The following HLCS variants were observed in gnomAD, a reference collection of about 807,000 sequenced individuals.
HLCS encodes holocarboxylase synthetase.
In HLCS, 53 loss-of-function variants were observed where a neutral mutation model predicts 75.0. The ratio of observed to expected loss-of-function variants is 0.71; its 90% CI spans 0.57 to 0.89. The LOEUF is 0.89. Ranked by LOEUF, HLCS falls within the 40% of genes least tolerant of loss-of-function variation. The probability of loss-of-function intolerance (pLI) is 0.00; values close to 1 mark genes in which losing one functional copy is unlikely to be tolerated. For missense variants in HLCS, 966 were observed against 1,074.0 expected, an observed-to-expected ratio of 0.90 and a Z score of 1.41; for synonymous variants, 431 against 428.6, an observed-to-expected ratio of 1.01 and a Z score of -0.07.
chr21:36,843,392 C>T (rs140177340), intron 6 of HLCS, among the ~76,000 whole-genome samples: 16 of 152,302 alleles, frequency 1.1e-4, no homozygotes, highest in Non-Finnish European at 1.9e-4. Context: ...GAGCCATGAT[C>T]GTGCCACAGC....
chr21:36,924,051 C>A (rs572145691), intron 5 of HLCS, among the ~76,000 whole-genome samples: 1 of 152,314 alleles, frequency 6.6e-6, no homozygotes, highest in African/African-American at 2.4e-5. Flanking sequence ...ATTCAAGGTG[C>A]ACCTGGAATT....
At chr21:36,806,941 TCC>T (rs2061378657) in intron 6 of HLCS, among the ~76,000 whole-genome samples, 1 of 152,158 alleles carries the variant, frequency 6.6e-6, no homozygotes, top group Admixed American at 6.5e-5. Flanking sequence ...CTCCACTTTG[TCC>T]CTTCCCAACC....
chr21:36,776,397 T>C (rs1161998585), intron 6 of HLCS, among the ~76,000 whole-genome samples: 3 of 143,158 alleles, frequency 2.1e-5, no homozygotes, highest in Non-Finnish European at 3.0e-5. Context: ...TCAACAGCCT[T>C]GTTACAACAC....
chr21:36,952,720 G>T (rs947487085), intron 2 of HLCS, among the ~76,000 whole-genome samples: 2 of 149,730 alleles, frequency 1.3e-5, no homozygotes, highest in South Asian at 4.2e-4. Flanking sequence ...GAACCAGGAA[G>T]TCGGAGGTTG....
chr21:36,910,938 G>C (rs1171536872), intron 5 of HLCS, among the ~76,000 whole-genome samples: 1 of 152,142 alleles, frequency 6.6e-6, no homozygotes, highest in African/African-American at 2.4e-5. Context: ...GGCTCTGAAG[G>C]GCTTCCACCT....
intron 4 of HLCS, among the ~76,000 whole-genome samples, chr21:36,931,021 C>T (rs545377033): frequency 4.2e-4 from 64 of 152,174 alleles, no homozygotes; most frequent in African/African-American, 5.3e-4. Context: ...CGGTGGCTCA[C>T]GCCTGTAATC....
At chr21:36,783,404 T>G (rs1295383556) in intron 6 of HLCS, among the ~76,000 whole-genome samples, 1 of 152,188 alleles carries the variant, frequency 6.6e-6, no homozygotes, top group African/African-American at 2.4e-5. Flanking sequence ...TTTAAAAAAT[T>G]TCCAGAGCTA....
chr21:36,904,585 A>G (rs192390077), intron 5 of HLCS, among the ~76,000 whole-genome samples: 2 of 152,332 alleles, frequency 1.3e-5, no homozygotes, highest in Admixed American at 1.3e-4. Flanking sequence ...TATTCACTAT[A>G]GTCAAATACA....
chr21:36,769,604 C>T (rs980013281), intron 6 of HLCS, among the ~76,000 whole-genome samples: 4 of 152,184 alleles, frequency 2.6e-5, no homozygotes, highest in Admixed American at 6.5e-5. Context: ...GAGTGGCAGC[C>T]GAGTGCATTC....
chr21:36,896,838 T>A, intron 6 of HLCS, 22 bp downstream of exon 6: 1 of 1,613,648 alleles, frequency 6.2e-7, no homozygotes, highest in Non-Finnish European at 8.5e-7. Context: ...TCTGAGCAGA[T>A]GCAGACCTGC....
intron 6 of HLCS, among the ~76,000 whole-genome samples, chr21:36,885,672 T>C (rs1352605810): frequency 3.3e-5 from 5 of 152,144 alleles, no homozygotes; most frequent in Admixed American, 1.3e-4. Flanking sequence ...ATATTATCTA[T>C]GTACTAAGAG....
intron 6 of HLCS, among the ~76,000 whole-genome samples, chr21:36,820,112 C>T (rs1374873304): frequency 6.6e-6 from 1 of 152,202 alleles, no homozygotes; most frequent in Non-Finnish European, 1.5e-5. Flanking sequence ...AAGGTGGGTC[C>T]TTGGCCATCG....
intron 1 of HLCS, chr21:36,975,314 T>C (rs11700650): frequency 0.62 from 94,493 of 151,938 alleles, 29,672 homozygotes; most frequent in East Asian, 0.75. Context: ...GCGGGACCTC[T>C]GCACAGTCTC....
chr21:36,873,356 T>G (rs1038011998), intron 6 of HLCS, among the ~76,000 whole-genome samples: 2 of 152,200 alleles, frequency 1.3e-5, no homozygotes, highest in African/African-American at 2.4e-5. Context: ...GACCTTGTGA[T>G]CCGCCTGCCT....
At chr21:36,854,348 G>C (rs767776747) in intron 6 of HLCS, among the ~76,000 whole-genome samples, 1 of 152,134 alleles carries the variant, frequency 6.6e-6, no homozygotes, top group Non-Finnish European at 1.5e-5. Context: ...AAAAGCTCCC[G>C]GGGTTCCCAC....
At chr21:36,914,919 C>T (rs2065866153) in intron 5 of HLCS, among the ~76,000 whole-genome samples, 3 of 152,260 alleles carry the variant, frequency 2.0e-5, no homozygotes, top group African/African-American at 7.2e-5. Context: ...ACAGAGCAGG[C>T]AGCGTGGGGG....
rs1423582263 is a variant in HLCS, at chr21:36,966,624, C to G, written c.15G>C (p.Leu5=). The stretch of plus-strand genomic sequence containing the variant: ...AGCGCGCCCACAGGTACAGGTAGCA[C>G]AGCGTGATGAGCATGGCCGCGCCGC... The part of the protein sequence containing the change: MLIT[L]CYLYLWARWG... The change falls in exon 1 of 11, where the codon CTG becomes CTC. Residue 5 remains leucine (L), a synonymous_variant. Coordinates refer to ENST00000674895, the MANE Select transcript of HLCS (RefSeq NM_001352514.2). 1.0e-5 allele frequency: 10 copies of G among 983,364 alleles called. No homozygotes were observed. Among genetic ancestry groups the G allele is most frequent in the Non-Finnish European group, 1.2e-5 (10 of 829,580 alleles). 60.9% of individuals were successfully genotyped at this position (983,364 alleles called of 1,614,324 possible). A position where few individuals can be genotyped will look rare whatever the true frequency, so the allele number is the denominator to read the frequency against.
At chr21:36,945,606 T>C (rs1411645910) in intron 2 of HLCS, among the ~76,000 whole-genome samples, 3 of 152,190 alleles carry the variant, frequency 2.0e-5, no homozygotes, top group African/African-American at 4.8e-5. Flanking sequence ...GTATCTAAAA[T>C]AGACAAATCT....
intron 6 of HLCS, among the ~76,000 whole-genome samples, chr21:36,893,703 T>A (rs559411798): frequency 1.3e-5 from 2 of 152,218 alleles, no homozygotes; most frequent in African/African-American, 2.4e-5. Flanking sequence ...AATCTAATGC[T>A]GCCGCTGATC....
Sources: gnomAD v4.1 joint callset for allele counts (sites outside exome capture counted in the v4.1 genomes callset) on GRCh38, gnomAD v4.1.1 for gene constraint, MANE v1.5 for transcripts, NCBI Gene and HGNC (gene_info 2026-07-23, HGNC 2026-07-21) for gene names.